The following COG5 variants were observed in gnomAD, a reference collection of about 807,000 sequenced individuals.
COG5 encodes the protein conserved oligomeric Golgi complex subunit 5.
A neutral mutation model predicts 110.4 loss-of-function variants in COG5; 86 were observed. The ratio of observed to expected loss-of-function variants is 0.78; its 90% confidence interval spans 0.65 to 0.93. The LOEUF (loss-of-function observed/expected upper bound fraction) is 0.93. Ranked by LOEUF, COG5 falls within the 40% of genes least tolerant of loss-of-function variation. COG5 has a pLI of 0.00. For missense variants in COG5, 1,077 were observed against 987.0 expected (o/e 1.09, Z -1.22); for synonymous variants, 360 against 334.6 (o/e 1.08, Z -0.83).
chr7:107,372,762 T>C lies in COG5; in HGVS notation c.670-2A>G. The C allele has an allele frequency of 1.2e-6, 2 of 1,613,364 alleles. No homozygotes were observed. The highest frequency in any genetic ancestry group is 1.7e-6 in the Non-Finnish European group (2 of 1,179,656). On this transcript the variant is annotated splice_acceptor_variant, in intron 7 of 21. Transcript: ENST00000297135. LOFTEE classifies it high-confidence loss of function. ...AGCTGTTCCGACTTGAGTTGGATTCTTAAAAAAAGGTGGGGTGGGGTGGAA... is the reference window on the plus strand; with the variant it reads ...AGCTGTTCCGACTTGAGTTGGATTCCTAAAAAAAGGTGGGGTGGGGTGGAA...
intron 21 of COG5, among the ~76,000 whole-genome samples, chr7:107,206,825 C>T (rs1212193295): frequency 1.3e-5 from 2 of 152,130 alleles, no homozygotes; most frequent in Admixed American, 6.5e-5. Flanking sequence ...AGCTGCCCTC[C>T]CACATGAAAT....
chr7:107,283,974 G>T (rs1393972431), intron 12 of COG5, among the ~76,000 whole-genome samples: 2 of 145,084 alleles, frequency 1.4e-5, no homozygotes, highest in African/African-American at 5.0e-5. Flanking sequence ...GTCCTGGCTG[G>T]AGTGCAACGG....
At chr7:107,463,568 G>C (rs188974507) in intron 6 of COG5, among the ~76,000 whole-genome samples, 1 of 152,270 alleles carries the variant, frequency 6.6e-6, no homozygotes, top group East Asian at 1.9e-4. Flanking sequence ...ATTTAGCAGA[G>C]GAACCCAAAA....
chr7:107,335,345 G>A (rs540258538), intron 10 of COG5, among the ~76,000 whole-genome samples: 30 of 152,146 alleles, frequency 2.0e-4, no homozygotes, highest in African/African-American at 5.3e-4. Flanking sequence ...AGCTGACATC[G>A]CACCACTGCA....
At position 107,412,398 on chromosome 7, in the gene COG5, ATATATTAC is replaced by A. The variant is rs1471500059; in HGVS notation, c.669+96_669+103del. On this transcript the variant is annotated intron_variant, in intron 7 of 21. Transcript: ENST00000297135. Reference sequence around the variant, plus strand: ...AAATTGTAGACATACTTTCTCAGTGATATATTACTATAAGACATATATTACTTTTTTGA... The same window carrying A: ...AAATTGTAGACATACTTTCTCAGTGATATAAGACATATATTACTTTTTTGA... 4 of 1,046,600 alleles carry A rather than the reference ATATATTAC, an allele frequency of 3.8e-6. No homozygotes were observed. In the African/African-American group the frequency reaches 4.7e-5, roughly 12 times the overall value. 64.8% of individuals were successfully genotyped at this position (1,046,600 alleles called of 1,614,324 possible).
chr7:107,454,757 G>A (rs1795557340), intron 6 of COG5, among the ~76,000 whole-genome samples: 1 of 152,094 alleles, frequency 6.6e-6, no homozygotes, highest in African/African-American at 2.4e-5. Context: ...TTGAAGCTCA[G>A]AAAAGACATG....
chr7:107,470,308 TA>T (rs1796560101), intron 6 of COG5: 1 of 152,210 alleles, frequency 6.6e-6, no homozygotes, highest in Non-Finnish European at 1.5e-5. Context: ...TACAGACACA[TA>T]TTTTCATTAA....
chr7:107,494,217 T>G (rs1186843381), intron 6 of COG5, among the ~76,000 whole-genome samples: 2 of 152,136 alleles, frequency 1.3e-5, no homozygotes, highest in African/African-American at 2.4e-5. Context: ...ATATCCAATT[T>G]TACAGTCTTT....
chr7:107,201,629 A>C lies in COG5; in HGVS notation c.*1887T>G, dbSNP rs562248212. 24 of 432,378 alleles carry C rather than the reference A, an allele frequency of 5.6e-5. No homozygotes were observed. Among genetic ancestry groups the C allele is most frequent in the Non-Finnish European group, 7.9e-5 (19 of 239,326 alleles). The allele number at this position is 432,378 out of a possible 1,614,324, so 26.8% of individuals were successfully genotyped here. A position where few individuals can be genotyped will look rare whatever the true frequency, so the allele number is the denominator to read the frequency against. Reference sequence around the variant, plus strand: ...TTAGAGCATTAAGCTAAAACTATCAACATTTTAAACCAAATTGCCTTATTT... The same window carrying C: ...TTAGAGCATTAAGCTAAAACTATCACCATTTTAAACCAAATTGCCTTATTT... On this transcript the variant is annotated 3_prime_UTR_variant, in exon 22 of 22. Coordinates refer to ENST00000297135, the MANE Select transcript of COG5 (RefSeq NM_006348.5).
chr7:107,422,668 C>G (rs1397599650), intron 6 of COG5, among the ~76,000 whole-genome samples: 1 of 151,278 alleles, frequency 6.6e-6, no homozygotes, highest in Non-Finnish European at 1.5e-5. Context: ...TCTGTGTTCT[C>G]TAAGGTTTCT....
Position 107,378,351 on chromosome 7 carries a change from A to G in COG5, c.670-5591T>C, listed in dbSNP as rs189044811. Among the ~76,000 whole-genome samples the G allele has an allele frequency of 3.9e-4, 60 of 152,330 alleles. No homozygotes were observed. The East Asian group carries it at 0.01, about 26-fold the overall frequency. On this transcript the variant is annotated intron_variant, in intron 7 of 21. Transcript: ENST00000297135. ...AAAAAGGTTGAAAATTACAAAAACC[A>G]GAATGCCTCTTCTCTTCCAGAAAAT...
chr7:107,554,581 T>G (rs1342233481), intron 2 of COG5, among the ~76,000 whole-genome samples: 1 of 152,182 alleles, frequency 6.6e-6, no homozygotes, highest in Non-Finnish European at 1.5e-5. Context: ...CTTAGTCTGT[T>G]TGGACTACAA....
intron 17 of COG5, among the ~76,000 whole-genome samples, chr7:107,238,392 A>G (rs151271027): frequency 1.7e-3 from 264 of 152,288 alleles, no homozygotes; most frequent in Non-Finnish European, 3.1e-3. Context: ...CCATTTATCA[A>G]TCTAAATGTT....
At chr7:107,254,366 C>G (rs555626063) in intron 16 of COG5, among the ~76,000 whole-genome samples, 5 of 151,804 alleles carry the variant, frequency 3.3e-5, no homozygotes, top group East Asian at 1.9e-4. Flanking sequence ...ATTCAACATT[C>G]CTTTTTATTC....
chr7:107,502,666 C>G (rs1255040654), intron 6 of COG5, among the ~76,000 whole-genome samples: 2 of 152,058 alleles, frequency 1.3e-5, no homozygotes, highest in African/African-American at 4.8e-5. Flanking sequence ...CACATCCACA[C>G]AAACATCTAT....
chr7:107,263,735 C>A (rs1017545131), intron 14 of COG5, among the ~76,000 whole-genome samples: 1 of 152,168 alleles, frequency 6.6e-6, no homozygotes, highest in Non-Finnish European at 1.5e-5. Context: ...TAATTCTGTA[C>A]ATCTGCTCAT....
intron 10 of COG5, among the ~76,000 whole-genome samples, chr7:107,353,680 G>A (rs1440752751): frequency 1.3e-5 from 2 of 152,054 alleles, no homozygotes; most frequent in Admixed American, 6.5e-5. Context: ...GAGCTGAGAG[G>A]AATGAAATAA....
intron 11 of COG5, among the ~76,000 whole-genome samples, chr7:107,304,831 T>C (rs1807572354): frequency 6.6e-6 from 1 of 152,218 alleles, no homozygotes; most frequent in Admixed American, 6.5e-5. Context: ...CAGTGCCAAA[T>C]ATACCTGGAA....
In COG5 at chr7:107,283,739, A is replaced by C; in HGVS notation, c.1314-7T>G. Reference sequence around the variant, plus strand: ...TTTCAAAGCCTTTTCTGGACTGTGGAAACAAAATTTTTTAAAAACTAACTT... The same window carrying C: ...TTTCAAAGCCTTTTCTGGACTGTGGCAACAAAATTTTTTAAAAACTAACTT... On this transcript the variant is annotated splice_region_variant and splice_polypyrimidine_tract_variant and intron_variant, in intron 12 of 21. Coordinates refer to ENST00000297135, the MANE Select transcript of COG5 (RefSeq NM_006348.5). 6.2e-7 allele frequency: 1 copy of C among 1,612,978 alleles called. No individual in the cohort carries two copies. Among genetic ancestry groups the C allele is most frequent in the Non-Finnish European group, 8.5e-7 (1 of 1,179,080 alleles).
Sources: gnomAD v4.1 joint callset for allele counts (sites outside exome capture counted in the v4.1 genomes callset) on GRCh38, gnomAD v4.1.1 for gene constraint, MANE v1.5 for transcripts, NCBI Gene and HGNC (gene_info 2026-07-23, HGNC 2026-07-21) for gene names.